The following FAM169A variants were observed in gnomAD, a reference collection of about 807,000 sequenced individuals.
FAM169A encodes soluble lamin-associated protein of 75 kDa.
Under a neutral mutation model 75.7 loss-of-function variants are expected in FAM169A, and 24 were observed. That is an observed-to-expected ratio of 0.32 (90% CI 0.23 to 0.45). FAM169A has a LOEUF of 0.45. Ranked by LOEUF, FAM169A falls within the 20% of genes least tolerant of loss-of-function variation. The pLI, the probability that FAM169A is intolerant of heterozygous loss-of-function variation, is 1.00. For missense variants in FAM169A, 673 were observed against 784.0 expected, an observed-to-expected ratio of 0.86 and a Z score of 1.69; for synonymous variants, 271 against 271.0, an observed-to-expected ratio of 1.00 and a Z score of 0.00.
chr5:74,834,664 T>G (rs1748477332), intron 4 of FAM169A, 67 bp from the exon 5 acceptor site: 2 of 1,281,330 alleles, frequency 1.6e-6, no homozygotes, highest in East Asian at 2.7e-5. Flanking sequence ...TGCTATTTAC[T>G]TTGCTCCCTG....
intron 5 of FAM169A, among the ~76,000 whole-genome samples, chr5:74,828,352 C>CT (rs1561311288): frequency 2.0e-5 from 3 of 152,038 alleles, no homozygotes; most frequent in African/African-American, 7.2e-5. Context: ...CTTCTTTTTT[C>CT]TTTTTTTAAA....
At position 74,866,069 on chromosome 5, in the gene FAM169A, G is replaced by C. The variant is rs552573951; in HGVS notation, c.-4+96C>G. ...AGCCGGTGGCCCGCGTCGCCGCTCG[G>C]TGTCCGCGGGTCTGGTGCTGGCGGG... On this transcript the variant is annotated intron_variant, in intron 1 of 12. Transcript: ENST00000687041. 1,491 of 606,328 alleles carry C rather than the reference G, an allele frequency of 2.5e-3. 2 individuals carry two copies. The highest frequency in any genetic ancestry group is 2.9e-3 in the Non-Finnish European group (1,421 of 483,898). 37.6% of individuals were successfully genotyped at this position (606,328 alleles called of 1,614,324 possible).
intron 1 of FAM169A, among the ~76,000 whole-genome samples, chr5:74,842,379 CCACTG>C (rs1250658094): frequency 8.9e-6 from 1 of 112,552 alleles, no homozygotes; most frequent in Non-Finnish European, 1.6e-5. Flanking sequence ...CAAGACTGCA[CCACTG>C]CACTCCAGTC....
At chr5:74,823,890 T>C (rs147920375) in intron 5 of FAM169A, among the ~76,000 whole-genome samples, 19 of 152,324 alleles carry the variant, frequency 1.2e-4, no homozygotes, top group Admixed American at 4.6e-4. Flanking sequence ...TCAATCCTTA[T>C]AATTTTACAT....
At chr5:74,841,734 T>C (rs1378971650) in intron 1 of FAM169A, 55 bp from the exon 2 acceptor site, 12 of 1,444,872 alleles carry the variant, frequency 8.3e-6, no homozygotes, top group Non-Finnish European at 1.0e-5. Context: ...CATCTTCCTT[T>C]ACTCACAGAA....
chr5:74,810,487 C>T (rs912267194), intron 6 of FAM169A, among the ~76,000 whole-genome samples: 2 of 152,032 alleles, frequency 1.3e-5, no homozygotes, highest in South Asian at 2.1e-4. Context: ...CGGTGGCTCA[C>T]GCCTGTAATC....
chr5:74,835,782 G>A (rs146520603), intron 4 of FAM169A, among the ~76,000 whole-genome samples: 24 of 152,126 alleles, frequency 1.6e-4, no homozygotes, highest in African/African-American at 5.1e-4. Flanking sequence ...AATAGCAGCC[G>A]ACTAGCAATA....
In FAM169A at chr5:74,833,579, C is replaced by T. The variant is rs992866187; in HGVS notation, c.490+847G>A. Among the ~76,000 whole-genome samples, 4 of 152,218 alleles carry T rather than the reference C, an allele frequency of 2.6e-5. No individual in the cohort carries two copies. In the East Asian group the frequency reaches 7.7e-4, roughly 29 times the overall value. On this transcript the variant is annotated intron_variant, in intron 5 of 12. Transcript: ENST00000687041. ...TATGGGATCAAGGTATCAGTCACAA[C>T]TGTTCATTAGATCAGCAGTGAATTT...
At position 74,783,111 on chromosome 5, in the gene FAM169A, A is replaced by T; in HGVS notation, c.1284T>A (p.Asn428Lys). 3.1e-6 allele frequency: 5 copies of T among 1,613,146 alleles called. No individual in the cohort carries two copies. Among genetic ancestry groups the T allele is most frequent in the Non-Finnish European group, 4.2e-6 (5 of 1,179,284 alleles). The change falls in exon 12 of 13, where the codon AAT (asparagine) becomes AAA (lysine). Residue 428 changes from asparagine to lysine, a missense_variant. Asn to Lys is a moderately conservative substitution (Grantham distance 94). Coordinates refer to ENST00000687041, the MANE Select transcript of FAM169A (RefSeq NM_001376049.1). Reference protein sequence around the residue: ...GEKESELEPMNGEIMDDSLKT... With the variant: ...GEKESELEPMKGEIMDDSLKT... ...TAAGAGAATCGTCCATTATCTCACCATTCATAGGCTCTAATTCAGATTCCT... is the reference window on the plus strand; with the variant it reads ...TAAGAGAATCGTCCATTATCTCACCTTTCATAGGCTCTAATTCAGATTCCT...
At chr5:74,782,611 T>G (rs1340055214) in intron 12 of FAM169A, among the ~76,000 whole-genome samples, 4 of 152,344 alleles carry the variant, frequency 2.6e-5, no homozygotes, top group South Asian at 4.1e-4. Flanking sequence ...ACTGTTTTGG[T>G]CATAGTCTAT....
intron 11 of FAM169A, among the ~76,000 whole-genome samples, chr5:74,791,639 T>C (rs997415253): frequency 1.3e-5 from 2 of 152,184 alleles, no homozygotes; most frequent in African/African-American, 4.8e-5. Flanking sequence ...ATGCATGGAA[T>C]ATAGGAGATC....
chr5:74,804,512 G>C lies in FAM169A; in HGVS notation c.893C>G (p.Ser298Cys), dbSNP rs766649164. 1 of 1,595,872 alleles carries C rather than the reference G, an allele frequency of 6.3e-7. No individual in the cohort carries two copies. Among genetic ancestry groups the C allele is most frequent in the Non-Finnish European group, 8.6e-7 (1 of 1,164,364 alleles). The change falls in exon 8 of 13, where the codon TCT becomes TGT. Residue 298 changes from serine to cysteine, a missense_variant. Transcript: ENST00000687041. ...ACCTACAGTTAGCTGCATCTCACTA[G>C]ACTGATTGTCTTCAGTTCTTGCTTC... The part of the protein sequence containing the change: ...EYEARTEDNQ[S>C]SEMQLTIDSL...
At chr5:74,817,040 C>T (rs1405108213) in intron 5 of FAM169A, among the ~76,000 whole-genome samples, 3 of 152,038 alleles carry the variant, frequency 2.0e-5, no homozygotes, top group Non-Finnish European at 2.9e-5. Context: ...GATAAAAATA[C>T]TCAACTTCCT....
intron 1 of FAM169A, among the ~76,000 whole-genome samples, chr5:74,852,700 G>A (rs1051881724): frequency 1.3e-5 from 2 of 151,230 alleles, no homozygotes; most frequent in Admixed American, 6.6e-5. Context: ...GGTATATAAC[G>A]GCAAATGGTG....
chr5:74,811,074 C>T (rs1018951661), intron 6 of FAM169A, among the ~76,000 whole-genome samples: 1 of 151,124 alleles, frequency 6.6e-6, no homozygotes, highest in African/African-American at 2.4e-5. Flanking sequence ...ATTCTGCCTC[C>T]CAGGCTCAAG....
intron 5 of FAM169A, among the ~76,000 whole-genome samples, chr5:74,821,471 T>C (rs369753593): frequency 6.6e-6 from 1 of 152,244 alleles, no homozygotes; most frequent in Admixed American, 6.5e-5. Flanking sequence ...AGTGTGTGAC[T>C]GTCTCCATTG....
chr5:74,803,301 C>A (rs1184442910), intron 8 of FAM169A, among the ~76,000 whole-genome samples: 3 of 152,038 alleles, frequency 2.0e-5, no homozygotes, highest in African/African-American at 7.2e-5. Flanking sequence ...ATCTGTGTAT[C>A]TCTCAGGAAT....
intron 1 of FAM169A, among the ~76,000 whole-genome samples, chr5:74,851,389 T>C (rs914201085): frequency 6.6e-6 from 1 of 152,092 alleles, no homozygotes; most frequent in Non-Finnish European, 1.5e-5. Flanking sequence ...GCAGGACTCA[T>C]AAGGCTGAAA....
chr5:74,844,375 T>C (rs1749037919), intron 1 of FAM169A, among the ~76,000 whole-genome samples: 1 of 151,594 alleles, frequency 6.6e-6, no homozygotes, highest in Admixed American at 6.6e-5. Context: ...GGTGAGAGAA[T>C]TACCTGAGCC....
Sources: gnomAD v4.1 joint callset for allele counts (sites outside exome capture counted in the v4.1 genomes callset) on GRCh38, gnomAD v4.1.1 for gene constraint, MANE v1.5 for transcripts, NCBI Gene and HGNC (gene_info 2026-07-23, HGNC 2026-07-21) for gene names.